Variants in NUP210 observed in about 807,000 individuals in gnomAD.
NUP210 encodes the protein nuclear pore membrane glycoprotein 210.
Under a neutral mutation model 196.0 loss-of-function variants are expected in NUP210, and 151 were observed. That is an observed-to-expected ratio of 0.77 (90% CI 0.67 to 0.88). The LOEUF is 0.88. NUP210 is among the 40% of genes least tolerant of loss of function. NUP210 has a pLI of 0.00. For synonymous variants in NUP210, 1,070 were observed against 1,052.7 expected (o/e 1.02, Z -0.32); for missense variants, 2,314 against 2,493.7 (o/e 0.93, Z 1.53).
intron 3 of NUP210, among the ~76,000 whole-genome samples, chr3:13,392,064 C>T (rs1002271524): frequency 7.2e-5 from 11 of 152,152 alleles, no homozygotes; most frequent in Non-Finnish European, 1.5e-4. Context: ...CTCACCAGCC[C>T]CTGATGTTCC....
In NUP210 at chr3:13,379,526, C is replaced by T; in HGVS notation, c.976+37G>A. The stretch of plus-strand genomic sequence containing the variant: ...ACTTGACTTCCAAACAGCAGCTCCG[C>T]CATGCCTAAGAACACACAAGCCCAA... On this transcript the variant is annotated intron_variant, in intron 7 of 39. Transcript: ENST00000254508. The surrounding 1 kb of genome is among the most constrained non-coding windows in gnomAD (Gnocchi z 4.2). 2 of 1,613,274 alleles carry T rather than the reference C, an allele frequency of 1.2e-6. No individual in the cohort carries two copies. The highest frequency in any genetic ancestry group is 1.7e-6 in the Non-Finnish European group (2 of 1,179,722).
In NUP210 at chr3:13,341,756, G is replaced by A; in HGVS notation, c.3220C>T (p.Gln1074Ter). The part of the protein sequence containing the change: ...AGQRINSAPQ[Q>*]IEVFPPFRLM... ...GGAAGAACTCGTCTTACTTCAATCTGTTGTGGGGCTGAGTTGATTCTCTGT... is the reference window on the plus strand; with the variant it reads ...GGAAGAACTCGTCTTACTTCAATCTATTGTGGGGCTGAGTTGATTCTCTGT... The change falls in exon 23 of 40, where the codon CAG becomes TAG. Residue 1074 changes from glutamine (Q) to a stop codon, truncating the protein, a stop_gained. Coordinates refer to ENST00000254508, the MANE Select transcript of NUP210 (RefSeq NM_024923.4). LOFTEE classifies it high-confidence loss of function. 4 of 1,614,240 alleles carry A rather than the reference G, an allele frequency of 2.5e-6. No individual in the cohort carries two copies. The highest frequency in any genetic ancestry group is 3.4e-6 in the Non-Finnish European group (4 of 1,180,048).
Position 13,319,302 on chromosome 3 carries a change from A to G in NUP210, c.5407T>C (p.Phe1803Leu). The G allele has an allele frequency of 6.2e-7, 1 of 1,612,032 alleles. No individual in the cohort carries two copies. Among genetic ancestry groups the G allele is most frequent in the Non-Finnish European group, 8.5e-7 (1 of 1,179,032 alleles). ...AACATGACCTGGTAGGAATCCAGGA[A>G]GTGCTGGAAGAGGCTGGCTCCATCT... ...GPYGASLFQH[F>L]LDSYQVMFFT... is the part of the protein sequence containing the mutation. The change falls in exon 38 of 40, where the codon TTC becomes CTC. Residue 1803 changes from phenylalanine (F) to leucine (L), a missense_variant. Transcript: ENST00000254508.
chr3:13,363,554 T>A (rs1329326797), intron 14 of NUP210, among the ~76,000 whole-genome samples: 1 of 152,230 alleles, frequency 6.6e-6, no homozygotes, highest in Non-Finnish European at 1.5e-5. Context: ...ACGCAGCTGA[T>A]GAAGGATGCT....
At chr3:13,415,866 G>A (rs1472211281) in intron 1 of NUP210, among the ~76,000 whole-genome samples, 1 of 152,134 alleles carries the variant, frequency 6.6e-6, no homozygotes, top group Non-Finnish European at 1.5e-5. Flanking sequence ...CACCCTTAGT[G>A]CCCAACTTCA....
At chr3:13,382,164 C>G (rs374828) in intron 6 of NUP210, among the ~76,000 whole-genome samples, 1 of 152,222 alleles carries the variant, frequency 6.6e-6, no homozygotes, top group African/African-American at 2.4e-5. Flanking sequence ...TCTTCAGATA[C>G]TGATTCGATC....
rs778938777 is a variant in NUP210 at position 13,353,578 on chromosome 3, G to C, written c.2604C>G (p.Leu868=). The part of the protein sequence containing the change: ...ATATGYQESH[L]SSARTKQPHD... ...CCGGCTGCTTTGTTCTGGCAGAGCTGAGGTGGGACTCCTGGTAGCCAGTGG... is the reference window on the plus strand; with the variant it reads ...CCGGCTGCTTTGTTCTGGCAGAGCTCAGGTGGGACTCCTGGTAGCCAGTGG... The change falls in exon 18 of 40, where the codon CTC becomes CTG. Residue 868 remains leucine, a synonymous_variant. Transcript: ENST00000254508. 8 of 1,613,972 alleles carry C rather than the reference G, an allele frequency of 5.0e-6. No homozygotes were observed. The highest frequency in any genetic ancestry group is 5.9e-6 in the Non-Finnish European group (7 of 1,179,972).
rs1559323684 is a variant in NUP210, at chr3:13,352,067, G to C, written c.2733+13C>G. Reference sequence around the variant, plus strand: ...GGGTCTTGCCCAGGAAGGTGGCAGGGCAAGGACTGTACCTGGATGCCAGGG... The same window carrying C: ...GGGTCTTGCCCAGGAAGGTGGCAGGCCAAGGACTGTACCTGGATGCCAGGG... On this transcript the variant is annotated intron_variant, in intron 19 of 39. Transcript: ENST00000254508. 1 of 1,611,206 alleles carries C rather than the reference G, an allele frequency of 6.2e-7. No homozygotes were observed.
intron 13 of NUP210, among the ~76,000 whole-genome samples, chr3:13,368,584 A>G (rs4684931): frequency 0.52 from 78,772 of 151,928 alleles, 22,112 homozygotes; most frequent in African/African-American, 0.75. Context: ...GTAACTTCCC[A>G]ATTCCCCTCA....
chr3:13,397,309 T>G, intron 3 of NUP210, 48 bp downstream of exon 3: 1 of 1,578,300 alleles, frequency 6.3e-7, no homozygotes, highest in East Asian at 2.4e-5. Flanking sequence ...GGTGGGGGGA[T>G]GATCTAGCAT....
At chr3:13,401,258 T>TTAAAAAAAAAAAAAAAA (rs1162470689) in intron 1 of NUP210, among the ~76,000 whole-genome samples, 226 of 16,492 alleles carry the variant, frequency 0.014, 5 homozygotes, top group Middle Eastern at 0.083. Flanking sequence ...AGACTCTGGC[T>TTAAAAAAAAAAAAAAAA]CAAAAAAAAA....
In NUP210 at chr3:13,360,123, C is replaced by T. The variant is rs369528379; in HGVS notation, c.2154+147G>A. On this transcript the variant is annotated intron_variant, in intron 15 of 39. Transcript: ENST00000254508. The stretch of plus-strand genomic sequence containing the variant: ...CATTGAGTCACATTCCACCTCACCA[C>T]GCCTCAGTTTGCCTGTCTGTAAAAT... 2.9e-4 allele frequency: 198 copies of T among 687,692 alleles called. 5 individuals are homozygous for T. Among genetic ancestry groups the T allele is most frequent in the South Asian group, 2.2e-3 (117 of 53,110 alleles). The allele number at this position is 687,692 out of a possible 1,614,324, so 42.6% of individuals were successfully genotyped here.
intron 1 of NUP210, among the ~76,000 whole-genome samples, chr3:13,402,960 TA>T (rs35395928): frequency 0.38 from 57,569 of 151,912 alleles, 11,414 homozygotes; most frequent in Non-Finnish European, 0.45. Flanking sequence ...CCATGTCCTG[TA>T]AGTTTGGACA....
At chr3:13,325,357 A>T (rs1696705481) in intron 33 of NUP210, among the ~76,000 whole-genome samples, 1 of 152,242 alleles carries the variant, frequency 6.6e-6, no homozygotes, top group African/African-American at 2.4e-5. Flanking sequence ...ATGCATTTGG[A>T]TCTCAGCCAG....
intron 26 of NUP210, 136 bp from the exon 27 acceptor site, chr3:13,337,054 T>G: frequency 1.8e-6 from 2 of 1,101,150 alleles, no homozygotes; most frequent in Non-Finnish European, 2.6e-6. Context: ...GGCACAGGTT[T>G]GGGAATTTTG....
At chr3:13,343,517 C>T (rs1353581750) in intron 20 of NUP210, among the ~76,000 whole-genome samples, 1 of 152,230 alleles carries the variant, frequency 6.6e-6, no homozygotes, top group Non-Finnish European at 1.5e-5. Context: ...TCATGAGCCC[C>T]ACTGCTGGCC....
At chr3:13,328,314 G>A (rs1696859247) in intron 31 of NUP210, among the ~76,000 whole-genome samples, 2 of 152,232 alleles carry the variant, frequency 1.3e-5, no homozygotes, top group African/African-American at 4.8e-5. Context: ...CAGATTTTTG[G>A]ATGGTGACCT....
intron 18 of NUP210, among the ~76,000 whole-genome samples, chr3:13,352,742 G>A (rs909101019): frequency 1.3e-5 from 2 of 152,184 alleles, no homozygotes; most frequent in Non-Finnish European, 2.9e-5. Context: ...CCAGGCACTC[G>A]GGGTGCAGCA....
chr3:13,328,204 C>T (rs1018793570), intron 31 of NUP210, among the ~76,000 whole-genome samples: 11 of 152,210 alleles, frequency 7.2e-5, no homozygotes, highest in South Asian at 2.1e-4. Flanking sequence ...TGCGCACACA[C>T]GGAGTGCCAT....
Sources: gnomAD v4.1 joint callset for allele counts (sites outside exome capture counted in the v4.1 genomes callset) on GRCh38, gnomAD v4.1.1 for gene constraint, Gnocchi (gnomAD v3.1) non-coding constraint, MANE v1.5 for transcripts, NCBI Gene and HGNC (gene_info 2026-07-23, HGNC 2026-07-21) for gene names.